The following RASGRF1 variants were observed in gnomAD, a reference collection of about 807,000 sequenced individuals.
RASGRF1 encodes the protein Ras protein specific guanine nucleotide releasing factor 1, also known as ras-specific guanine nucleotide-releasing factor 1.
A neutral mutation model predicts 138.7 loss-of-function variants in RASGRF1; 40 were observed. The observed-to-expected ratio is 0.29, with a 90% CI of 0.22 to 0.38. The LOEUF is 0.38. Among genes scored for constraint, RASGRF1 ranks in the 10% least tolerant of loss-of-function variants. The pLI is 1.00. For missense variants in RASGRF1, 1,108 were observed against 1,650.4 expected (o/e 0.67, Z 5.69); for synonymous variants, 614 against 663.2 (o/e 0.93, Z 1.14).
Position 79,015,240 on chromosome 15 carries a change from C to T in RASGRF1, c.1826+87G>A. ...GCCCAGCATCTCTGAACCCCAGTAG[C>T]TGGCTCATCCCAGTGTCCTGGCTGT... is the stretch of plus-strand genomic sequence containing the variant. On this transcript the variant is annotated intron_variant, in intron 13 of 26. Coordinates refer to ENST00000558480, the MANE Select transcript of RASGRF1 (RefSeq NM_001145648.3). 5 of 1,326,220 alleles carry T rather than the reference C, an allele frequency of 3.8e-6. No homozygotes were observed. In the Middle Eastern group the frequency reaches 7.3e-4, roughly 193 times the overall value. 82.2% of individuals were successfully genotyped at this position (1,326,220 alleles called of 1,614,324 possible).
intron 26 of RASGRF1, among the ~76,000 whole-genome samples, chr15:78,969,441 C>T (rs545970864): frequency 7.9e-5 from 12 of 152,202 alleles, no homozygotes; most frequent in East Asian, 3.9e-4. Context: ...GAGGCTGAGG[C>T]GGGTGGATCA....
chr15:79,061,149 C>T (rs892404478), intron 2 of RASGRF1, among the ~76,000 whole-genome samples: 1 of 152,104 alleles, frequency 6.6e-6, no homozygotes, highest in African/African-American at 2.4e-5. Context: ...GAAACAGGGA[C>T]TTCAGTCCCA....
At chr15:79,071,706 T>C (rs2057758448) in intron 1 of RASGRF1, among the ~76,000 whole-genome samples, 1 of 152,036 alleles carries the variant, frequency 6.6e-6, no homozygotes, top group African/African-American at 2.4e-5. Context: ...GTGTCTCTGT[T>C]CCTGCCTTTC....
chr15:79,019,895 G>A, intron 11 of RASGRF1, 146 bp downstream of exon 11: 1 of 877,932 alleles, frequency 1.1e-6, no homozygotes, highest in Non-Finnish European at 1.8e-6. Context: ...CAGGGTGTGT[G>A]CATGAGGGCA....
At chr15:78,975,943 G>A (rs922942278) in intron 24 of RASGRF1, among the ~76,000 whole-genome samples, 1 of 152,202 alleles carries the variant, frequency 6.6e-6, no homozygotes, top group Non-Finnish European at 1.5e-5. Flanking sequence ...GTGCTGACCG[G>A]TGGGTTCTGA....
At position 79,050,395 on chromosome 15, in the gene RASGRF1, C is replaced by A. The variant is rs1287067825; in HGVS notation, c.532-807G>T. Among the ~76,000 whole-genome samples the A allele has an allele frequency of 1.3e-5, 2 of 152,194 alleles. No homozygotes were observed. Among genetic ancestry groups the A allele is most frequent in the Admixed American group, 6.5e-5 (1 of 15,284 alleles). ...GACCACATTTTATTTATCCATTCCC[C>A]CTTTGATGGGCATCTAGGTAATCCC... On this transcript the variant is annotated intron_variant, in intron 3 of 26. Transcript: ENST00000558480. This position sits in a 1 kb window ranked among gnomAD's most constrained non-coding sequence, Gnocchi z 4.1.
rs182052846 is a variant in RASGRF1 at position 79,046,324 on chromosome 15, G to A, written c.878+422C>T. Among the ~76,000 whole-genome samples the A allele has an allele frequency of 1.3e-5, 2 of 152,182 alleles. No homozygotes were observed. Among genetic ancestry groups the A allele is most frequent in the African/African-American group, 4.8e-5 (2 of 41,436 alleles). The stretch of plus-strand genomic sequence containing the variant: ...ACATTTAAACCAGGGTTCCTTAACC[G>A]TGGCACTACTGACATTGTAGTTGGA... On this transcript the variant is annotated intron_variant, in intron 5 of 26. Transcript: ENST00000558480. The surrounding 1 kb of genome is among the most constrained non-coding windows in gnomAD (Gnocchi z 5.3).
chr15:79,082,884 C>T (rs1327203491), intron 1 of RASGRF1, among the ~76,000 whole-genome samples: 2 of 152,168 alleles, frequency 1.3e-5, no homozygotes, highest in African/African-American at 4.8e-5. Context: ...CGAGAGACCC[C>T]AGGGACCTGG....
chr15:79,049,994 C>T (rs181354554), intron 3 of RASGRF1, among the ~76,000 whole-genome samples: 18 of 152,298 alleles, frequency 1.2e-4, no homozygotes, highest in Middle Eastern at 3.4e-3. Flanking sequence ...TGATAAAACA[C>T]ATGTAACATA....
intron 3 of RASGRF1, among the ~76,000 whole-genome samples, chr15:79,051,764 A>G (rs942711863): frequency 6.6e-6 from 1 of 152,132 alleles, no homozygotes; most frequent in Non-Finnish European, 1.5e-5. Context: ...GGCAACAAAA[A>G]CTTTGGAGGC....
intron 1 of RASGRF1, 80 bp downstream of exon 1, chr15:79,090,143 G>C: frequency 6.9e-7 from 1 of 1,449,584 alleles, no homozygotes; most frequent in African/African-American, 1.4e-5. Flanking sequence ...AAGTTCAAGC[G>C]CCATCAGCCA....
intron 26 of RASGRF1, among the ~76,000 whole-genome samples, chr15:78,970,621 C>CAAAAAAAAAAAAAAAAAAAA (rs55689628): frequency 1.7e-5 from 1 of 57,900 alleles, no homozygotes; most frequent in East Asian, 4.2e-4. Flanking sequence ...GACTCTGTCT[C>CAAAAAAAAAAAAAAAAAAAA]AAAAAAAAAA....
intron 1 of RASGRF1, among the ~76,000 whole-genome samples, chr15:79,082,617 C>A (rs185757807): frequency 6.6e-6 from 1 of 152,286 alleles, no homozygotes; most frequent in East Asian, 1.9e-4. Flanking sequence ...GAGGTGATGC[C>A]AACCTGGACC....
chr15:79,049,232 CCCCACT>C (rs1456101080), intron 4 of RASGRF1, among the ~76,000 whole-genome samples: 1 of 152,084 alleles, frequency 6.6e-6, no homozygotes, highest in Non-Finnish European at 1.5e-5. Flanking sequence ...TCCTGGCTTT[CCCCACT>C]CCTTCCTCTT....
chr15:79,015,001 T>C (rs1233701546), intron 13 of RASGRF1, among the ~76,000 whole-genome samples: 1 of 151,138 alleles, frequency 6.6e-6, no homozygotes, highest in Non-Finnish European at 1.5e-5. Flanking sequence ...GGGTTCAGTG[T>C]ATACTGCTGG....
At chr15:79,009,982 C>G (rs1567511669) in intron 13 of RASGRF1, among the ~76,000 whole-genome samples, 1 of 151,236 alleles carries the variant, frequency 6.6e-6, no homozygotes, top group Non-Finnish European at 1.5e-5. Context: ...CTTGGCCTCC[C>G]AAAGTGCTGG....
chr15:79,014,135 A>G (rs2056842115), intron 13 of RASGRF1, among the ~76,000 whole-genome samples: 1 of 152,212 alleles, frequency 6.6e-6, no homozygotes, highest in African/African-American at 2.4e-5. Flanking sequence ...TAACCCTTCT[A>G]CACTGCTGGT....
chr15:79,015,873 C>T (rs930538), intron 12 of RASGRF1, among the ~76,000 whole-genome samples: 72,439 of 152,050 alleles, frequency 0.48, 18,177 homozygotes, highest in East Asian at 0.82. Context: ...TTCTCTCTGT[C>T]CTCTGACCAC....
chr15:79,049,743 G>A (rs956820185), intron 3 of RASGRF1, among the ~76,000 whole-genome samples, 155 bp from the exon 4 acceptor site: 3 of 152,132 alleles, frequency 2.0e-5, no homozygotes, highest in Non-Finnish European at 2.9e-5. Context: ...CTGACTCTGT[G>A]CATCCAGGTC....
Sources: gnomAD v4.1 joint callset for allele counts (sites outside exome capture counted in the v4.1 genomes callset) on GRCh38, gnomAD v4.1.1 for gene constraint, Gnocchi (gnomAD v3.1) non-coding constraint, MANE v1.5 for transcripts, NCBI Gene and HGNC (gene_info 2026-07-23, HGNC 2026-07-21) for gene names.